GRIK2: variants seen among roughly 807,000 people sequenced by gnomAD.
GRIK2 encodes the protein glutamate ionotropic receptor kainate type subunit 2, also known as glutamate receptor ionotropic, kainate 2.
GRIK2 carries 32 observed loss-of-function variants against 100.3 expected under a neutral mutation model. The observed-to-expected ratio is 0.32, with a 90% confidence interval of 0.24 to 0.43. The LOEUF (loss-of-function observed/expected upper bound fraction) is 0.43, where lower values mean the gene tolerates loss of function less well. Ranked by LOEUF, GRIK2 falls within the 20% of genes least tolerant of loss-of-function variation. The pLI is 1.00. For missense variants in GRIK2, 843 were observed against 1,114.9 expected, an observed-to-expected ratio of 0.76 and a Z score of 3.47; for synonymous variants, 417 against 389.4, an observed-to-expected ratio of 1.07 and a Z score of -0.83.
chr6:102,035,048 T>C (rs1770191903), intron 14 of GRIK2, among the ~76,000 whole-genome samples: 1 of 151,366 alleles, frequency 6.6e-6, no homozygotes, highest in African/African-American at 2.4e-5. Flanking sequence ...TTCTGTTGTA[T>C]GTATAGCTTT....
At chr6:101,593,604 T>G (rs1778779580) in intron 2 of GRIK2, among the ~76,000 whole-genome samples, 2 of 151,866 alleles carry the variant, frequency 1.3e-5, no homozygotes, top group Non-Finnish European at 2.9e-5. Context: ...TTACAGAGCC[T>G]AAAATAGAAA....
intron 14 of GRIK2, among the ~76,000 whole-genome samples, chr6:102,017,378 A>G (rs1384192458): frequency 6.6e-6 from 1 of 152,018 alleles, no homozygotes; most frequent in Non-Finnish European, 1.5e-5. Context: ...TGATCCCATC[A>G]CCTCCCCACC....
intron 14 of GRIK2, among the ~76,000 whole-genome samples, chr6:101,950,539 A>G (rs1791545735): frequency 1.3e-5 from 2 of 152,124 alleles, no homozygotes; most frequent in Admixed American, 6.6e-5. Flanking sequence ...ACTCTGAATG[A>G]TGAAGCAGCC....
intron 7 of GRIK2, among the ~76,000 whole-genome samples, chr6:101,737,716 T>G (rs1326314579): frequency 6.6e-6 from 1 of 152,218 alleles, no homozygotes; most frequent in African/African-American, 2.4e-5. Context: ...CATTTGATCT[T>G]TAGGTTTGCA....
At chr6:101,505,952 T>C (rs545549277) in intron 2 of GRIK2, among the ~76,000 whole-genome samples, 200 of 152,250 alleles carry the variant, frequency 1.3e-3, no homozygotes, top group African/African-American at 4.4e-3. Flanking sequence ...TCGAATATAT[T>C]GTTAATAGGC....
chr6:102,019,857 T>C (rs1341548048), intron 14 of GRIK2, among the ~76,000 whole-genome samples: 4 of 152,032 alleles, frequency 2.6e-5, no homozygotes, highest in African/African-American at 4.8e-5. Context: ...CTATGAAATG[T>C]CTAATGGTTG....
At chr6:101,863,360 C>G (rs1442160856) in intron 11 of GRIK2, among the ~76,000 whole-genome samples, 1 of 152,164 alleles carries the variant, frequency 6.6e-6, no homozygotes, top group Non-Finnish European at 1.5e-5. Flanking sequence ...GCACAGTCCT[C>G]AGTTCTTTCC....
intron 4 of GRIK2, among the ~76,000 whole-genome samples, chr6:101,627,167 A>G (rs1780503726): frequency 6.6e-6 from 1 of 151,656 alleles, no homozygotes; most frequent in Non-Finnish European, 1.5e-5. Context: ...ACAGATAGAT[A>G]GAGTCACTCT....
At chr6:101,955,913 A>G (rs1220426009) in intron 14 of GRIK2, among the ~76,000 whole-genome samples, 1 of 151,260 alleles carries the variant, frequency 6.6e-6, no homozygotes, top group Non-Finnish European at 1.5e-5. Context: ...TCTAGTTTTT[A>G]TTATTTTCTT....
chr6:101,616,163 A>C (rs1234999671), intron 2 of GRIK2, among the ~76,000 whole-genome samples: 1 of 151,786 alleles, frequency 6.6e-6, no homozygotes, highest in African/African-American at 2.4e-5. Context: ...TTCCCTCTGC[A>C]TATAAATATG....
At chr6:101,647,428 C>T (rs1268366544) in intron 4 of GRIK2, among the ~76,000 whole-genome samples, 1 of 151,980 alleles carries the variant, frequency 6.6e-6, no homozygotes, top group African/African-American at 2.4e-5. Context: ...ATCTTTGCCA[C>T]TTTTGCACTG....
At chr6:101,428,829 G>T (rs1769211616) in intron 2 of GRIK2, among the ~76,000 whole-genome samples, 1 of 152,098 alleles carries the variant, frequency 6.6e-6, no homozygotes, top group South Asian at 2.1e-4. Flanking sequence ...GTGACAGGGG[G>T]TTAGACTTCT....
In GRIK2 at chr6:101,902,321, G is replaced by A. The variant is rs540634542; in HGVS notation, c.1748+12458G>A. 3.9e-5 allele frequency among the ~76,000 whole-genome samples: 6 copies of A among 151,974 alleles called. No homozygotes were observed. In the South Asian group the frequency reaches 8.3e-4, roughly 21 times the overall value. On this transcript the variant is annotated intron_variant, in intron 12 of 16. Transcript: ENST00000369134. The stretch of plus-strand genomic sequence containing the variant: ...TGTAAAAGTTAATAGCAGGTAGTTC[G>A]GGTGGAATGTATTGACATACAAATA...
intron 2 of GRIK2, among the ~76,000 whole-genome samples, chr6:101,607,809 G>A (rs11156145): frequency 0.34 from 52,124 of 151,330 alleles, 9,281 homozygotes; most frequent in African/African-American, 0.43. Context: ...TTAATAAAAT[G>A]AATGTTACTT....
In GRIK2 at chr6:101,924,623, A is replaced by G; in HGVS notation, c.1771A>G (p.Asn591Asp). 1 of 1,592,846 alleles carries G rather than the reference A, an allele frequency of 6.3e-7. No individual in the cohort carries two copies. The highest frequency in any genetic ancestry group is 8.6e-7 in the Non-Finnish European group (1 of 1,160,790). The part of the protein sequence containing the change: ...IARFSPYEWY[N>D]PHPCNPDSDV... ...CAGGTTTAGTCCTTATGAGTGGTATAATCCACACCCTTGCAACCCTGACTC... is the reference window on the plus strand; with the variant it reads ...CAGGTTTAGTCCTTATGAGTGGTATGATCCACACCCTTGCAACCCTGACTC... Residue 591 changes from asparagine to aspartate, a missense_variant, in exon 13 of 17, where the codon AAT (asparagine) becomes GAT (aspartate). Around this residue, in one of 3 missense-constraint regions of GRIK2, gnomAD observed 237 missense variants for 388.0 expected, o/e 0.61. Transcript: ENST00000369134.
chr6:101,979,659 A>G (rs1217839162), intron 14 of GRIK2, among the ~76,000 whole-genome samples: 1 of 151,938 alleles, frequency 6.6e-6, no homozygotes, highest in East Asian at 2.0e-4. Flanking sequence ...CTAACTTGGT[A>G]GGTAAAGTCT....
At chr6:102,001,401 C>T (rs941506586) in intron 14 of GRIK2, among the ~76,000 whole-genome samples, 10 of 151,862 alleles carry the variant, frequency 6.6e-5, no homozygotes, top group African/African-American at 2.4e-4. Context: ...GTTCCCCTCC[C>T]TGTGTATATG....
At chr6:101,790,416 AG>A (rs1314657177) in intron 7 of GRIK2, among the ~76,000 whole-genome samples, 1 of 152,054 alleles carries the variant, frequency 6.6e-6, no homozygotes, top group Non-Finnish European at 1.5e-5. Context: ...TTTAGCATGA[AG>A]GGTTGTTGAA....
At chr6:101,833,682 T>C (rs1321432946) in intron 10 of GRIK2, among the ~76,000 whole-genome samples, 1 of 147,626 alleles carries the variant, frequency 6.8e-6, no homozygotes, top group Admixed American at 6.8e-5. Context: ...GTACTTATTA[T>C]GATTAATATA....
Sources: gnomAD v4.1 joint callset for allele counts (sites outside exome capture counted in the v4.1 genomes callset) on GRCh38, gnomAD v4.1.1 for gene constraint, gnomAD v4.1.1 regional missense constraint, MANE v1.5 for transcripts, NCBI Gene and HGNC (gene_info 2026-07-23, HGNC 2026-07-21) for gene names.